Variants in CAMK1D observed in about 807,000 individuals in gnomAD.
The protein encoded by CAMK1D is calcium/calmodulin-dependent protein kinase type 1D.
Under a neutral mutation model 47.7 loss-of-function variants are expected in CAMK1D, and 9 were observed. The ratio of observed to expected loss-of-function variants is 0.19; its 90% confidence interval spans 0.11 to 0.33. The LOEUF (loss-of-function observed/expected upper bound fraction) is 0.33, where lower values mean the gene tolerates loss of function less well. CAMK1D is among the 10% of genes least tolerant of loss of function. The pLI is 1.00. For synonymous variants in CAMK1D, 184 were observed against 184.9 expected (o/e 0.99, Z 0.04); for missense variants, 291 against 488.7 (o/e 0.60, Z 3.81).
At chr10:12,692,376 G>C (rs1476912740) in intron 3 of CAMK1D, among the ~76,000 whole-genome samples, 2 of 152,160 alleles carry the variant, frequency 1.3e-5, no homozygotes, top group Admixed American at 6.5e-5. Flanking sequence ...AATATTTCAG[G>C]CCAGTAGGAA....
intron 3 of CAMK1D, among the ~76,000 whole-genome samples, chr10:12,677,992 C>T (rs1018083538): frequency 6.6e-6 from 1 of 151,548 alleles, no homozygotes; most frequent in African/African-American, 2.4e-5. Context: ...CACTGGAAAA[C>T]CTGCTGATAC....
chr10:12,587,247 G>C (rs1393792510), intron 2 of CAMK1D, among the ~76,000 whole-genome samples: 3 of 152,274 alleles, frequency 2.0e-5, no homozygotes, highest in Non-Finnish European at 2.9e-5. Context: ...TGACTGAGGA[G>C]TAGCCAGCCC....
intron 2 of CAMK1D, among the ~76,000 whole-genome samples, chr10:12,654,120 C>G (rs1177356886): frequency 6.6e-6 from 1 of 152,184 alleles, no homozygotes. Context: ...CTAGAAACCT[C>G]AAAGATGCTT....
intron 2 of CAMK1D, among the ~76,000 whole-genome samples, chr10:12,601,259 ATGTCC>A (rs546771758): frequency 1.1e-3 from 157 of 147,462 alleles, no homozygotes; most frequent in African/African-American, 3.8e-3. Flanking sequence ...CAAGCATTCC[ATGTCC>A]TGTAAATAAT....
At chr10:12,422,495 C>T (rs929720982) in intron 1 of CAMK1D, among the ~76,000 whole-genome samples, 5 of 152,060 alleles carry the variant, frequency 3.3e-5, no homozygotes, top group Non-Finnish European at 7.4e-5. Context: ...TGCCTGGATA[C>T]GAATGACTGC....
intron 1 of CAMK1D, among the ~76,000 whole-genome samples, chr10:12,482,708 C>T (rs1426395464): frequency 6.6e-6 from 1 of 152,172 alleles, no homozygotes; most frequent in Non-Finnish European, 1.5e-5. Context: ...GTGGCTGTGA[C>T]TGTCTTTTGT....
At chr10:12,405,556 C>T (rs1321055101) in intron 1 of CAMK1D, among the ~76,000 whole-genome samples, 2 of 152,276 alleles carry the variant, frequency 1.3e-5, no homozygotes, top group South Asian at 2.1e-4. Flanking sequence ...CAGTCTAGCA[C>T]GTATAAACAG....
intron 2 of CAMK1D, among the ~76,000 whole-genome samples, chr10:12,573,949 C>T (rs187651235): frequency 3.6e-4 from 50 of 140,180 alleles, no homozygotes; most frequent in Admixed American, 1.0e-3. Context: ...GTGCTGGGAT[C>T]GCAGGTGTGA....
chr10:12,523,100 T>C (rs185765483), intron 1 of CAMK1D, among the ~76,000 whole-genome samples: 33,239 of 148,174 alleles, frequency 0.22, 3,882 homozygotes, highest in South Asian at 0.27. Context: ...GGCTCCTCAC[T>C]TCTCAGACGG....
intron 1 of CAMK1D, among the ~76,000 whole-genome samples, chr10:12,419,640 GCACACA>G (rs111807347): frequency 5.4e-4 from 79 of 147,188 alleles, no homozygotes; most frequent in African/African-American, 1.6e-3. Context: ...AAGAGAAAAT[GCACACA>G]CACACACACA....
intron 3 of CAMK1D, among the ~76,000 whole-genome samples, chr10:12,741,732 G>A (rs1263669471): frequency 3.3e-5 from 5 of 152,156 alleles, no homozygotes; most frequent in African/African-American, 4.8e-5. Flanking sequence ...CGCATCTGCC[G>A]GGAAGGGAGG....
At chr10:12,476,176 C>T (rs1374940301) in intron 1 of CAMK1D, among the ~76,000 whole-genome samples, 1 of 151,974 alleles carries the variant, frequency 6.6e-6, no homozygotes, top group Non-Finnish European at 1.5e-5. Context: ...CCTATAATCC[C>T]AGCTACTCAG....
chr10:12,360,791 A>G (rs1204501955), intron 1 of CAMK1D, among the ~76,000 whole-genome samples: 1 of 152,060 alleles, frequency 6.6e-6, no homozygotes, highest in Non-Finnish European at 1.5e-5. Flanking sequence ...TACATCAACT[A>G]TTGCCAAATT....
chr10:12,388,118 T>C (rs1436909069), intron 1 of CAMK1D, among the ~76,000 whole-genome samples: 1 of 152,060 alleles, frequency 6.6e-6, no homozygotes, highest in Non-Finnish European at 1.5e-5. Context: ...AGAAATGCGC[T>C]CACCAAAGAA....
chr10:12,809,992 A>C (rs1832533720), intron 6 of CAMK1D, among the ~76,000 whole-genome samples: 1 of 151,262 alleles, frequency 6.6e-6, no homozygotes, highest in Non-Finnish European at 1.5e-5. Context: ...TACAAAAATA[A>C]AAAAAAATAG....
intron 3 of CAMK1D, among the ~76,000 whole-genome samples, chr10:12,753,833 C>G (rs1836105969): frequency 6.6e-6 from 1 of 152,104 alleles, no homozygotes; most frequent in Non-Finnish European, 1.5e-5. Context: ...TTTACTGGGC[C>G]TTGGCTGCCC....
intron 1 of CAMK1D, among the ~76,000 whole-genome samples, chr10:12,517,347 A>G (rs149443645): frequency 1.3e-5 from 2 of 152,306 alleles, no homozygotes; most frequent in African/African-American, 2.4e-5. Flanking sequence ...TATCCTTTTC[A>G]ATCTGTATGC....
At chr10:12,464,892 C>CT (rs1397516803) in intron 1 of CAMK1D, among the ~76,000 whole-genome samples, 3 of 152,042 alleles carry the variant, frequency 2.0e-5, no homozygotes, top group Non-Finnish European at 4.4e-5. Context: ...TATTTGAGCA[C>CT]TTAAGAACCA....
At chr10:12,711,887 T>C (rs1833951518) in intron 3 of CAMK1D, among the ~76,000 whole-genome samples, 1 of 152,254 alleles carries the variant, frequency 6.6e-6, no homozygotes, top group Non-Finnish European at 1.5e-5. Context: ...AATAAAATTC[T>C]GTCCTTATAT....
Sources: gnomAD v4.1 joint callset for allele counts (sites outside exome capture counted in the v4.1 genomes callset) on GRCh38, gnomAD v4.1.1 for gene constraint, MANE v1.5 for transcripts, NCBI Gene and HGNC (gene_info 2026-07-23, HGNC 2026-07-21) for gene names.